PRKD1: variants seen among roughly 807,000 people sequenced by gnomAD.
PRKD1 encodes the protein protein kinase D1, also known as serine/threonine-protein kinase D1.
In PRKD1, 63 loss-of-function variants were observed where a neutral mutation model predicts 95.9. The observed-to-expected ratio is 0.66, with a 90% confidence interval of 0.54 to 0.81. The LOEUF is 0.81. Ranked by LOEUF, PRKD1 falls within the 30% of genes least tolerant of loss-of-function variation. PRKD1 has a pLI of 0.00. For missense variants in PRKD1, 1,048 were observed against 1,165.3 expected, an observed-to-expected ratio of 0.90 and a Z score of 1.47; for synonymous variants, 425 against 423.1, an observed-to-expected ratio of 1.00 and a Z score of -0.05.
intron 2 of PRKD1, among the ~76,000 whole-genome samples, chr14:29,702,904 C>A (rs903316888): frequency 6.6e-6 from 1 of 152,038 alleles, no homozygotes; most frequent in Non-Finnish European, 1.5e-5. Context: ...TTTGTTTGTT[C>A]TTTTTAACCT....
At chr14:29,619,435 T>A (rs1879095364) in intron 13 of PRKD1, among the ~76,000 whole-genome samples, 1 of 152,200 alleles carries the variant, frequency 6.6e-6, no homozygotes, top group Admixed American at 6.5e-5. Flanking sequence ...AACAAAAATT[T>A]ATTTAGCAGC....
At chr14:29,921,177 T>C (rs1895090541) in intron 1 of PRKD1, among the ~76,000 whole-genome samples, 1 of 152,188 alleles carries the variant, frequency 6.6e-6, no homozygotes, top group African/African-American at 2.4e-5. Flanking sequence ...AATGAAAATA[T>C]GCTTTACTTT....
chr14:29,732,092 C>T (rs910370768), intron 1 of PRKD1, among the ~76,000 whole-genome samples: 44 of 151,958 alleles, frequency 2.9e-4, no homozygotes, highest in Non-Finnish European at 3.5e-4. Flanking sequence ...AGGCTGGTCT[C>T]GAACTCCTGA....
intron 2 of PRKD1, among the ~76,000 whole-genome samples, chr14:29,673,696 A>C (rs894916624): frequency 6.6e-6 from 1 of 152,246 alleles, no homozygotes; most frequent in Non-Finnish European, 1.5e-5. Flanking sequence ...CTAAGGCTCT[A>C]CATTTTATTG....
In PRKD1 at chr14:29,898,908, T is replaced by C. The variant is rs140792023; in HGVS notation, c.264+28341A>G. On this transcript the variant is annotated intron_variant, in intron 1 of 17. Transcript: ENST00000331968. ...CTCCTATCTGGATGCTATTTTAGAA[T>C]ACAGAAGGCAGAGAATTTCTCTATG... 9.1e-4 allele frequency among the ~76,000 whole-genome samples: 138 copies of C among 152,338 alleles called. 3 individuals carry two copies. Among genetic ancestry groups the C allele is most frequent in the African/African-American group, 3.2e-3 (135 of 41,568 alleles).
chr14:29,841,845 T>C (rs1891860679), intron 1 of PRKD1, among the ~76,000 whole-genome samples: 1 of 152,016 alleles, frequency 6.6e-6, no homozygotes, highest in Admixed American at 6.5e-5. Flanking sequence ...GACTCTGTAA[T>C]AACACTTACA....
intron 1 of PRKD1, among the ~76,000 whole-genome samples, chr14:29,884,802 C>T (rs1184804640): frequency 1.3e-5 from 2 of 152,164 alleles, no homozygotes; most frequent in African/African-American, 4.8e-5. Flanking sequence ...TCAAGAAAGG[C>T]ATCCCAGAAA....
At chr14:29,734,992 T>C (rs1241784542) in intron 1 of PRKD1, among the ~76,000 whole-genome samples, 1 of 152,170 alleles carries the variant, frequency 6.6e-6, no homozygotes, top group African/African-American at 2.4e-5. Flanking sequence ...TTCCCTTTTC[T>C]GAGGGATCAC....
At chr14:29,819,721 T>G (rs893352759) in intron 1 of PRKD1, among the ~76,000 whole-genome samples, 4 of 151,714 alleles carry the variant, frequency 2.6e-5, no homozygotes, top group African/African-American at 9.7e-5. Context: ...TAACATAAAA[T>G]AAAATAAAAT....
intron 2 of PRKD1, among the ~76,000 whole-genome samples, chr14:29,676,118 T>C (rs1883179248): frequency 6.8e-6 from 1 of 146,936 alleles, no homozygotes; most frequent in African/African-American, 2.5e-5. Context: ...TAAAGTATAA[T>C]AAAAAATTTT....
chr14:29,589,007 G>A (rs1893033902), intron 16 of PRKD1, among the ~76,000 whole-genome samples: 2 of 152,012 alleles, frequency 1.3e-5, no homozygotes, highest in Admixed American at 6.6e-5. Context: ...GGGGTCAGGG[G>A]CTCATTGTGA....
chr14:29,718,679 A>G (rs1885740259), intron 2 of PRKD1, among the ~76,000 whole-genome samples: 2 of 152,210 alleles, frequency 1.3e-5, no homozygotes, highest in Non-Finnish European at 2.9e-5. Flanking sequence ...AACTGAAGTT[A>G]GAGAAGATTT....
At chr14:29,786,108 A>G (rs1364750802) in intron 1 of PRKD1, among the ~76,000 whole-genome samples, 2 of 152,068 alleles carry the variant, frequency 1.3e-5, no homozygotes, top group Non-Finnish European at 2.9e-5. Context: ...ATGATTGCAT[A>G]ATTTTTGTCC....
chr14:29,718,187 T>G (rs1484445934), intron 2 of PRKD1, among the ~76,000 whole-genome samples: 2 of 152,144 alleles, frequency 1.3e-5, no homozygotes, highest in Non-Finnish European at 2.9e-5. Flanking sequence ...TTATCTTGAA[T>G]TGTAATCCCC....
intron 1 of PRKD1, among the ~76,000 whole-genome samples, chr14:29,882,501 A>G (rs955018916): frequency 6.6e-6 from 1 of 152,208 alleles, no homozygotes; most frequent in African/African-American, 2.4e-5. Context: ...TTTATCTTTT[A>G]TTAGTTGTGG....
At chr14:29,771,703 G>A (rs1888515396) in intron 1 of PRKD1, among the ~76,000 whole-genome samples, 1 of 152,204 alleles carries the variant, frequency 6.6e-6, no homozygotes, top group African/African-American at 2.4e-5. Context: ...CAGCCTGGGA[G>A]AGTCATGAGT....
Position 29,851,467 on chromosome 14 carries a change from C to T in PRKD1, c.264+75782G>A, listed in dbSNP as rs141891974. On this transcript the variant is annotated intron_variant, in intron 1 of 17. Coordinates refer to ENST00000331968, the MANE Select transcript of PRKD1 (RefSeq NM_002742.3). Reference sequence around the variant, plus strand: ...AAGACATACAAGTGGCCAAAAACTACGTGAAAAAATGCTCACCATCGCTAA... The same window carrying T: ...AAGACATACAAGTGGCCAAAAACTATGTGAAAAAATGCTCACCATCGCTAA... Among the ~76,000 whole-genome samples the T allele has an allele frequency of 4.9e-3, 752 of 152,110 alleles. 6 individuals carry two copies. The highest frequency in any genetic ancestry group is 7.9e-3 in the Non-Finnish European group (538 of 67,942).
At chr14:29,778,277 A>T (rs1566595809) in intron 1 of PRKD1, among the ~76,000 whole-genome samples, 1 of 152,210 alleles carries the variant, frequency 6.6e-6, no homozygotes, top group Non-Finnish European at 1.5e-5. Flanking sequence ...GGCAAGAAAT[A>T]ACTAAGATCG....
At chr14:29,680,703 G>A (rs1213278071) in intron 2 of PRKD1, among the ~76,000 whole-genome samples, 1 of 152,142 alleles carries the variant, frequency 6.6e-6, no homozygotes, top group Non-Finnish European at 1.5e-5. Flanking sequence ...TCCATCGGCA[G>A]AAGCAAATTT....
Sources: allele counts gnomAD v4.1 joint callset (sites outside exome capture counted in the v4.1 genomes callset), GRCh38; gene constraint gnomAD v4.1.1; transcripts MANE v1.5; gene names NCBI Gene and HGNC (gene_info 2026-07-23, HGNC 2026-07-21).